UST: variants seen among roughly 807,000 people sequenced by gnomAD.
UST encodes chondroitin sulfate 2-O-sulfotransferase.
In UST, 21 loss-of-function variants were observed where a neutral mutation model predicts 45.6. The ratio of observed to expected loss-of-function variants is 0.46; its 90% CI spans 0.33 to 0.66. The LOEUF is 0.66. Among genes scored for constraint, UST ranks in the 30% least tolerant of loss-of-function variants. UST has a pLI of 0.02. For synonymous variants in UST, 215 were observed against 200.6 expected, an observed-to-expected ratio of 1.07 and a Z score of -0.61; for missense variants, 463 against 512.4, an observed-to-expected ratio of 0.90 and a Z score of 0.93.
At position 148,748,453 on chromosome 6, in the gene UST, G is replaced by GTGTGTGTGT. The variant is rs1554287613; in HGVS notation, c.247+776_247+777insTGTGTGTGT. 2.8e-5 allele frequency among the ~76,000 whole-genome samples: 4 copies of GTGTGTGTGT among 140,560 alleles called. No homozygotes were observed. The highest frequency in any genetic ancestry group is 2.2e-4 in the East Asian group (1 of 4,618). The allele number at this position is 140,560 out of a possible 152,430, so 92.2% of individuals were successfully genotyped here. ...TGTGTGTGTGTGTGTGTGTGTGTGT[G>GTGTGTGTGT]GTTTATTAGGAGAGAGGCCGCCTGT... On this transcript the variant is annotated intron_variant, in intron 1 of 7. Transcript: ENST00000367463. This position sits in a 1 kb window ranked among gnomAD's most constrained non-coding sequence, Gnocchi z 5.3.
intron 1 of UST, among the ~76,000 whole-genome samples, chr6:148,753,823 A>G (rs1014590575): frequency 2.0e-5 from 3 of 152,164 alleles, no homozygotes; most frequent in African/African-American, 7.2e-5. Flanking sequence ...ATTTCTTCAC[A>G]TCCTCACTGC....
At chr6:148,956,607 G>A (rs932493990) in intron 4 of UST, among the ~76,000 whole-genome samples, 25 of 152,282 alleles carry the variant, frequency 1.6e-4, no homozygotes, top group African/African-American at 5.5e-4. Context: ...CATTCAGAGT[G>A]GCAGTTAAAA....
intron 4 of UST, among the ~76,000 whole-genome samples, chr6:148,960,815 C>T (rs553825405): frequency 6.6e-6 from 1 of 152,172 alleles, no homozygotes; most frequent in Non-Finnish European, 1.5e-5. Flanking sequence ...AGTCTTAATT[C>T]TCCGGGATAA....
intron 1 of UST, among the ~76,000 whole-genome samples, chr6:148,884,958 C>A (rs1778887142): frequency 6.6e-6 from 1 of 152,066 alleles, no homozygotes; most frequent in Non-Finnish European, 1.5e-5. Flanking sequence ...TATTGTATAA[C>A]CCAATAAGGA....
intron 2 of UST, among the ~76,000 whole-genome samples, chr6:148,905,532 T>C (rs1421516483): frequency 6.6e-6 from 1 of 152,214 alleles, no homozygotes; most frequent in Non-Finnish European, 1.5e-5. Flanking sequence ...AGACTCCCCA[T>C]TGGCTCCCTT....
At chr6:148,975,388 A>G (rs1190745795) in intron 5 of UST, among the ~76,000 whole-genome samples, 4 of 152,100 alleles carry the variant, frequency 2.6e-5, no homozygotes. Flanking sequence ...AGCTCCAACG[A>G]TGTTTGCCTC....
At chr6:149,059,954 TGGTG>T (rs1018840640) in intron 7 of UST, among the ~76,000 whole-genome samples, 8 of 152,156 alleles carry the variant, frequency 5.3e-5, no homozygotes, top group African/African-American at 1.4e-4. Flanking sequence ...GCCCTGGTCT[TGGTG>T]GGCCCTCAGC....
At chr6:148,879,133 G>T (rs1422449123) in intron 1 of UST, among the ~76,000 whole-genome samples, 1 of 152,118 alleles carries the variant, frequency 6.6e-6, no homozygotes, top group Non-Finnish European at 1.5e-5. Context: ...GCCCGGAGGT[G>T]CCCTGTGCCA....
intron 1 of UST, among the ~76,000 whole-genome samples, chr6:148,760,087 G>A (rs1776182996): frequency 6.6e-6 from 1 of 152,114 alleles, no homozygotes; most frequent in African/African-American, 2.4e-5. Flanking sequence ...AAGTGACCAA[G>A]GCAAGTAGAA....
intron 1 of UST, among the ~76,000 whole-genome samples, chr6:148,824,949 G>A (rs1037589216): frequency 4.5e-4 from 67 of 148,202 alleles, no homozygotes; most frequent in Middle Eastern, 3.4e-3. Flanking sequence ...TTGTTCTTGC[G>A]ATAGTTTACT....
intron 2 of UST, among the ~76,000 whole-genome samples, chr6:148,906,190 G>C (rs1291991507): frequency 6.6e-6 from 1 of 152,182 alleles, no homozygotes; most frequent in Non-Finnish European, 1.5e-5. Flanking sequence ...TTCTTGCCCA[G>C]AGTCACTTAC....
rs1562563682 is a variant in UST, at chr6:148,774,291, A to AT, written c.247+26614_247+26615insT. 2.3e-3 allele frequency among the ~76,000 whole-genome samples: 333 copies of AT among 146,184 alleles called. 4 individuals carry two copies. The highest frequency in any genetic ancestry group is 7.7e-3 in the African/African-American group (304 of 39,520). Reference sequence around the variant, plus strand: ...TATTTTATATATATATATATATATAAAAATATAATGAATAAATAGGAATAA... The same window carrying AT: ...TATTTTATATATATATATATATATAATAAATATAATGAATAAATAGGAATAA... On this transcript the variant is annotated intron_variant, in intron 1 of 7. Coordinates refer to ENST00000367463, the MANE Select transcript of UST (RefSeq NM_005715.3).
chr6:148,890,301 G>T (rs1172962720), intron 2 of UST, among the ~76,000 whole-genome samples: 1 of 152,150 alleles, frequency 6.6e-6, no homozygotes, highest in Non-Finnish European at 1.5e-5. Context: ...TGTCCCCTGG[G>T]GTGGGGCCTC....
At chr6:149,060,179 G>A (rs1344186117) in intron 7 of UST, among the ~76,000 whole-genome samples, 2 of 152,206 alleles carry the variant, frequency 1.3e-5, no homozygotes, top group Non-Finnish European at 2.9e-5. Flanking sequence ...GAAGGTCCAA[G>A]TGATCTCAAA....
At chr6:148,751,010 A>G (rs1775979829) in intron 1 of UST, among the ~76,000 whole-genome samples, 1 of 152,184 alleles carries the variant, frequency 6.6e-6, no homozygotes, top group Non-Finnish European at 1.5e-5. Flanking sequence ...CTTATCCCAA[A>G]GCTGCTGAAG....
intron 7 of UST, among the ~76,000 whole-genome samples, chr6:149,059,643 T>G (rs1445438923): frequency 6.6e-6 from 1 of 152,228 alleles, no homozygotes; most frequent in Non-Finnish European, 1.5e-5. Context: ...TTTCCTGGAA[T>G]CAAGCATTGA....
chr6:148,861,540 G>C (rs916175576), intron 1 of UST, among the ~76,000 whole-genome samples: 12 of 151,882 alleles, frequency 7.9e-5, no homozygotes, highest in South Asian at 4.2e-4. Context: ...CTTCTGCTAG[G>C]TTTTGAATGT....
intron 1 of UST, among the ~76,000 whole-genome samples, chr6:148,828,662 G>A (rs1232326150): frequency 6.6e-6 from 1 of 152,142 alleles, no homozygotes; most frequent in Non-Finnish European, 1.5e-5. Flanking sequence ...ATGAATTTAT[G>A]CACATAAAAC....
intron 1 of UST, among the ~76,000 whole-genome samples, chr6:148,777,101 C>A (rs2114682829): frequency 6.6e-6 from 1 of 152,298 alleles, no homozygotes; most frequent in South Asian, 2.1e-4. Context: ...CAAGTGCTTG[C>A]TGGATGTTTC....
Sources: allele counts gnomAD v4.1 joint callset (sites outside exome capture counted in the v4.1 genomes callset), GRCh38; gene constraint gnomAD v4.1.1; non-coding constraint Gnocchi (gnomAD v3.1); transcripts MANE v1.5; gene names NCBI Gene and HGNC (gene_info 2026-07-23, HGNC 2026-07-21).